The following FLYWCH2 variants were observed in gnomAD, a reference collection of about 807,000 sequenced individuals.
The protein encoded by FLYWCH2 is FLYWCH family member 2.
A neutral mutation model predicts 6.0 loss-of-function variants in FLYWCH2; 2 were observed. The observed-to-expected ratio is 0.33, with a 90% CI of 0.14 to 1.04. The LOEUF is 1.04. FLYWCH2 is among the 50% of genes least tolerant of loss of function. The pLI is 0.45. For missense variants in FLYWCH2, 192 were observed against 183.4 expected (o/e 1.05, Z -0.27); for synonymous variants, 87 against 79.3 (o/e 1.10, Z -0.52).
intron 1 of FLYWCH2, among the ~76,000 whole-genome samples, chr16:2,887,491 A>G (rs1245671801): frequency 2.0e-5 from 3 of 151,592 alleles, no homozygotes; most frequent in South Asian, 2.1e-4. Context: ...ATTTTTGTAT[A>G]TGCTGTGAGG....
At chr16:2,890,173 C>A (rs1256659489) in intron 1 of FLYWCH2, among the ~76,000 whole-genome samples, 2 of 150,780 alleles carry the variant, frequency 1.3e-5, no homozygotes, top group African/African-American at 2.4e-5. Flanking sequence ...GAGGTGTAAT[C>A]TGGGATCTGA....
At chr16:2,892,370 C>T (rs2069767697) in intron 1 of FLYWCH2, among the ~76,000 whole-genome samples, 1 of 151,856 alleles carries the variant, frequency 6.6e-6, no homozygotes, top group Non-Finnish European at 1.5e-5. Flanking sequence ...GTGGTGCACA[C>T]CAGTAATCCC....
Position 2,890,617 on chromosome 16 carries a change from G to T in FLYWCH2, c.-199-4603G>T, listed in dbSNP as rs561313680. ...TTTTTGTATTTTTAGTAGAGACGAG[G>T]TTTCACCGTGTTGGCCAGGTTGTCT... On this transcript the variant is annotated intron_variant, in intron 1 of 3. Coordinates refer to ENST00000396958, the MANE Select transcript of FLYWCH2 (RefSeq NM_138439.3). Among the ~76,000 whole-genome samples the T allele has an allele frequency of 4.0e-3, 598 of 151,046 alleles. 5 individuals are homozygous for T. The highest frequency in any genetic ancestry group is 7.1e-3 in the Non-Finnish European group (484 of 67,780).
intron 3 of FLYWCH2, among the ~76,000 whole-genome samples, chr16:2,898,485 C>A (rs532464804): frequency 3.5e-4 from 53 of 152,306 alleles, no homozygotes; most frequent in African/African-American, 1.2e-3. Flanking sequence ...ACCAGGAGGT[C>A]CCTGCAGAGG....
At chr16:2,892,946 G>T (rs984631706) in intron 1 of FLYWCH2, among the ~76,000 whole-genome samples, 21 of 140,740 alleles carry the variant, frequency 1.5e-4, no homozygotes, top group African/African-American at 4.8e-4. Context: ...CATATATGTT[G>T]TATATGTGTC....
chr16:2,888,255 C>T (rs1263469375), intron 1 of FLYWCH2, among the ~76,000 whole-genome samples: 1 of 152,024 alleles, frequency 6.6e-6, no homozygotes, highest in East Asian at 1.9e-4. Context: ...GGCAATCCAC[C>T]CACCTTGGCC....
Position 2,896,436 on chromosome 16 carries a change from C to T in FLYWCH2, c.-14C>T. On this transcript the variant is annotated 5_prime_UTR_variant, in exon 3 of 4. Coordinates refer to ENST00000396958, the MANE Select transcript of FLYWCH2 (RefSeq NM_138439.3). ...GGCTGAGTGTGGCCTGAGGGACAGG[C>T]CCTGGGTCCCGGGATGCCCCTGCCC... 2 of 1,602,348 alleles carry T rather than the reference C, an allele frequency of 1.2e-6. No homozygotes were observed. The highest frequency in any genetic ancestry group is 2.2e-5 in the East Asian group (1 of 44,808).
rs138269277 is a variant in FLYWCH2, at chr16:2,887,438, G to C, written c.-200+4072G>C. Among the ~76,000 whole-genome samples, 331 of 150,614 alleles carry C rather than the reference G, an allele frequency of 2.2e-3. 2 individuals carry two copies. Among genetic ancestry groups the C allele is most frequent in the African/African-American group, 7.6e-3 (312 of 40,892 alleles). ...AGCCTCCCAAAGTGCTAGGTTTATA[G>C]GCATGAGCCACCATGCCTAGCCATA... On this transcript the variant is annotated intron_variant, in intron 1 of 3. Transcript: ENST00000396958.
intron 1 of FLYWCH2, among the ~76,000 whole-genome samples, chr16:2,893,027 C>CAG (rs2069777665): frequency 6.8e-6 from 1 of 147,022 alleles, no homozygotes; most frequent in Non-Finnish European, 1.5e-5. Context: ...TATACACACA[C>CAG]ACACACATAT....
chr16:2,888,059 A>C (rs1020440171), intron 1 of FLYWCH2, among the ~76,000 whole-genome samples: 17 of 151,722 alleles, frequency 1.1e-4, no homozygotes, highest in Non-Finnish European at 2.1e-4. Flanking sequence ...CCCAGGCTGG[A>C]GTGTAGTGGC....
intron 1 of FLYWCH2, among the ~76,000 whole-genome samples, chr16:2,889,124 G>T (rs957964881): frequency 9.8e-6 from 1 of 101,688 alleles, no homozygotes; most frequent in South Asian, 2.3e-4. Flanking sequence ...TCAAAATTTG[G>T]TGTTTTTTTG....
intron 1 of FLYWCH2, among the ~76,000 whole-genome samples, chr16:2,888,462 A>C (rs1464830000): frequency 1.5e-5 from 2 of 129,720 alleles, no homozygotes; most frequent in Non-Finnish European, 3.2e-5. Context: ...TATGAATTTT[A>C]GGACCAGCTT....
intron 1 of FLYWCH2, among the ~76,000 whole-genome samples, chr16:2,893,793 A>G (rs1367312085): frequency 2.0e-5 from 3 of 151,088 alleles, no homozygotes; most frequent in Non-Finnish European, 4.4e-5. Context: ...GCCCGCCACC[A>G]CGCCGGGCTA....
intron 1 of FLYWCH2, among the ~76,000 whole-genome samples, chr16:2,893,634 C>CTTTTTTTT (rs35147234): frequency 5.0e-4 from 56 of 111,914 alleles, no homozygotes; most frequent in Non-Finnish European, 6.7e-4. Flanking sequence ...TTCTTTTCTT[C>CTTTTTTTT]TTTTTTTTTT....
intron 2 of FLYWCH2, among the ~76,000 whole-genome samples, chr16:2,896,093 T>C (rs1348145130): frequency 6.6e-6 from 1 of 152,236 alleles, no homozygotes; most frequent in African/African-American, 2.4e-5. Context: ...AGTCCATTAG[T>C]CATTCTGATG....
At chr16:2,893,739 G>A (rs1200764168) in intron 1 of FLYWCH2, among the ~76,000 whole-genome samples, 2 of 147,110 alleles carry the variant, frequency 1.4e-5, no homozygotes, top group East Asian at 2.1e-4. Context: ...CCAGGTTCAC[G>A]CCATTCTCCT....
chr16:2,893,726 C>T lies in FLYWCH2; in HGVS notation c.-199-1494C>T, dbSNP rs550536525. 1.6e-4 allele frequency among the ~76,000 whole-genome samples: 24 copies of T among 151,052 alleles called. No homozygotes were observed. In the South Asian group the frequency reaches 3.8e-3, roughly 24 times the overall value. On this transcript the variant is annotated intron_variant, in intron 1 of 3. Coordinates refer to ENST00000396958, the MANE Select transcript of FLYWCH2 (RefSeq NM_138439.3). ...GATCTCGGCTCACTGCAAGCTCCGC[C>T]TCCCAGGTTCACGCCATTCTCCTGC...
intron 1 of FLYWCH2, among the ~76,000 whole-genome samples, chr16:2,894,666 C>T (rs765224496): frequency 5.3e-5 from 8 of 152,232 alleles, no homozygotes; most frequent in Non-Finnish European, 1.2e-4. Context: ...TCATGTGACT[C>T]GCCGCCTGGC....
intron 1 of FLYWCH2, among the ~76,000 whole-genome samples, chr16:2,887,564 T>TTTA (rs892896315): frequency 7.2e-5 from 11 of 151,770 alleles, no homozygotes; most frequent in South Asian, 2.1e-4. Flanking sequence ...AATGTTTGTT[T>TTTA]TTATTATTAT....
Sources: allele counts gnomAD v4.1 joint callset (sites outside exome capture counted in the v4.1 genomes callset), GRCh38; gene constraint gnomAD v4.1.1; transcripts MANE v1.5; gene names NCBI Gene and HGNC (gene_info 2026-07-23, HGNC 2026-07-21).